The following GNAI1 variants were observed in gnomAD, a reference collection of about 807,000 sequenced individuals.
GNAI1 encodes the protein guanine nucleotide-binding protein G(i) subunit alpha-1.
In GNAI1, 11 loss-of-function variants were observed where a neutral mutation model predicts 38.9. The observed-to-expected ratio is 0.28, with a 90% CI of 0.18 to 0.47. The LOEUF (loss-of-function observed/expected upper bound fraction) is 0.47, where lower values mean the gene tolerates loss of function less well. GNAI1 is among the 20% of genes least tolerant of loss of function. The pLI is 0.99. For missense variants in GNAI1, 317 were observed against 436.9 expected (o/e 0.73, Z 2.45); for synonymous variants, 166 against 145.1 (o/e 1.14, Z -1.04).
At chr7:80,138,151 T>A (rs1215783344) in intron 1 of GNAI1, among the ~76,000 whole-genome samples, 1 of 151,680 alleles carries the variant, frequency 6.6e-6, no homozygotes, top group African/African-American at 2.4e-5. Flanking sequence ...TTTTTAAATT[T>A]AAGGCATAAA....
chr7:80,147,244 C>A (rs576145327), intron 1 of GNAI1, among the ~76,000 whole-genome samples: 1 of 151,988 alleles, frequency 6.6e-6, no homozygotes, highest in South Asian at 2.1e-4. Context: ...TATTTGTATT[C>A]CCCCAAAATT....
At chr7:80,158,528 G>A (rs1376430998) in intron 1 of GNAI1, among the ~76,000 whole-genome samples, 1 of 152,092 alleles carries the variant, frequency 6.6e-6, no homozygotes, top group Non-Finnish European at 1.5e-5. Context: ...AGATCTGGTG[G>A]TTTTATAAGG....
chr7:80,190,174 T>A (rs143238271), intron 3 of GNAI1, among the ~76,000 whole-genome samples: 1 of 152,204 alleles, frequency 6.6e-6, no homozygotes, highest in Non-Finnish European at 1.5e-5. Context: ...GTAGGCTCAA[T>A]TCATGCTTAC....
chr7:80,182,399 CAG>C lies in GNAI1; in HGVS notation c.119-6551_119-6550del, dbSNP rs563033168. On this transcript the variant is annotated intron_variant, in intron 1 of 7. Coordinates refer to ENST00000649796, the MANE Select transcript of GNAI1 (RefSeq NM_002069.6). ...ATACCTATCTCAGAAGTGAATGGCT[CAG>C]GGGATAGTTTTATATGGAGTTAAGA... Among the ~76,000 whole-genome samples, 382 of 152,194 alleles carry C rather than the reference CAG, an allele frequency of 2.5e-3. 4 individuals carry two copies. Among genetic ancestry groups the C allele is most frequent in the African/African-American group, 8.9e-3 (371 of 41,520 alleles).
At chr7:80,135,317 G>A (rs1380646975) in intron 1 of GNAI1, 39 bp downstream of exon 1, 19 of 1,210,090 alleles carry the variant, frequency 1.6e-5, no homozygotes, top group Admixed American at 6.9e-5. Flanking sequence ...GTCGGCGGGG[G>A]ACCGGGTGCG....
intron 1 of GNAI1, among the ~76,000 whole-genome samples, chr7:80,181,018 C>T (rs1283808143): frequency 6.6e-6 from 1 of 151,404 alleles, no homozygotes; most frequent in Non-Finnish European, 1.5e-5. Flanking sequence ...TGATAGCTTT[C>T]ATATAAAAGG....
intron 1 of GNAI1, among the ~76,000 whole-genome samples, chr7:80,144,082 G>T (rs971959617): frequency 1.3e-5 from 2 of 152,074 alleles, no homozygotes; most frequent in African/African-American, 4.8e-5. Flanking sequence ...CCTTACTGGG[G>T]CTAGACCAGG....
At chr7:80,166,340 T>C (rs1788009102) in intron 1 of GNAI1, among the ~76,000 whole-genome samples, 1 of 151,984 alleles carries the variant, frequency 6.6e-6, no homozygotes, top group African/African-American at 2.4e-5. Flanking sequence ...GAAAGTAGAG[T>C]TGGATAATAA....
chr7:80,157,459 T>G (rs1189936898), intron 1 of GNAI1, among the ~76,000 whole-genome samples: 1 of 152,210 alleles, frequency 6.6e-6, no homozygotes, highest in Non-Finnish European at 1.5e-5. Context: ...GTGTAAATAC[T>G]AAGGGACACA....
chr7:80,171,251 TA>T (rs1788093607), intron 1 of GNAI1, among the ~76,000 whole-genome samples: 1 of 152,254 alleles, frequency 6.6e-6, no homozygotes, highest in Non-Finnish European at 1.5e-5. Flanking sequence ...AAAATCCTTG[TA>T]AAAAATTTAT....
chr7:80,135,195 C>T lies in GNAI1; in HGVS notation c.35C>T (p.Ala12Val). The change falls in exon 1 of 8, where the codon GCG becomes GTG. Residue 12 changes from alanine to valine, a missense_variant. By Grantham distance (64) the Ala-to-Val change is moderately conservative (BLOSUM62 0). Transcript: ENST00000649796. ...ACGCTGAGCGCCGAGGACAAGGCGG[C>T]GGTGGAGCGGAGTAAGATGATCGAC... The part of the protein sequence containing the change: ...GCTLSAEDKA[A>V]VERSKMIDRN... 1.3e-6 allele frequency: 2 copies of T among 1,551,760 alleles called. No homozygotes were observed. The highest frequency in any genetic ancestry group is 1.2e-5 in the South Asian group (1 of 83,784).
intron 1 of GNAI1, among the ~76,000 whole-genome samples, chr7:80,137,317 C>CTTTTTTTTTTTTTTTTTTT (rs398005254): frequency 5.0e-4 from 27 of 53,998 alleles, no homozygotes; most frequent in South Asian, 7.9e-4. Flanking sequence ...CTTTTCTTTT[C>CTTTTTTTTTTTTTTTTTTT]TTTTTTTTTT....
At chr7:80,163,248 T>C (rs1056269218) in intron 1 of GNAI1, among the ~76,000 whole-genome samples, 4 of 152,138 alleles carry the variant, frequency 2.6e-5, no homozygotes, top group African/African-American at 9.7e-5. Context: ...TTAAGCTACA[T>C]AATTTTACTT....
At chr7:80,175,718 G>A (rs1788172927) in intron 1 of GNAI1, among the ~76,000 whole-genome samples, 2 of 152,078 alleles carry the variant, frequency 1.3e-5, no homozygotes, top group South Asian at 4.1e-4. Context: ...GATCTTTGAT[G>A]TTACTATTCT....
intron 1 of GNAI1, chr7:80,135,742 T>G: frequency 1.0e-6 from 1 of 970,234 alleles, no homozygotes; most frequent in Non-Finnish European, 1.2e-6. Context: ...ATGCCCAGAG[T>G]GCCACGTTTG....
At chr7:80,194,998 G>T (rs1274849429) in intron 3 of GNAI1, among the ~76,000 whole-genome samples, 2 of 151,826 alleles carry the variant, frequency 1.3e-5, no homozygotes, top group Non-Finnish European at 2.9e-5. Flanking sequence ...GAAAAATATT[G>T]ATATATATGT....
chr7:80,217,246 T>TAGGTATGAAACTGAC, intron 7 of GNAI1, 57 bp from the exon 8 acceptor site: 1 of 1,152,026 alleles, frequency 8.7e-7, no homozygotes, highest in Non-Finnish European at 1.2e-6. Flanking sequence ...GAATTCAGTA[T>TAGGTATGAAACTGAC]TTTAAGCAGT....
chr7:80,203,107 T>C lies in GNAI1; in HGVS notation c.462-597T>C, dbSNP rs1330293493. Among the ~76,000 whole-genome samples, 9 of 152,198 alleles carry C rather than the reference T, an allele frequency of 5.9e-5. No homozygotes were observed. In the East Asian group the frequency reaches 1.2e-3, roughly 20 times the overall value. Reference sequence around the variant, plus strand: ...TACTACATTTTTATATCACAACATATGTAGCACCAGTGGCAGAGAGTATTA... The same window carrying C: ...TACTACATTTTTATATCACAACATACGTAGCACCAGTGGCAGAGAGTATTA... On this transcript the variant is annotated intron_variant, in intron 4 of 7. Transcript: ENST00000649796.
chr7:80,175,479 T>A (rs559157822), intron 1 of GNAI1, among the ~76,000 whole-genome samples: 38 of 151,916 alleles, frequency 2.5e-4, no homozygotes, highest in Middle Eastern at 3.5e-3. Flanking sequence ...AAGTACAAGA[T>A]AGACCGATGG....
Sources: allele counts gnomAD v4.1 joint callset (sites outside exome capture counted in the v4.1 genomes callset), GRCh38; gene constraint gnomAD v4.1.1; transcripts MANE v1.5; gene names NCBI Gene and HGNC (gene_info 2026-07-23, HGNC 2026-07-21).